Variants in MBNL1 observed in about 807,000 individuals in gnomAD.
MBNL1 encodes muscleblind like splicing regulator 1, also known as muscleblind-like protein 1.
A neutral mutation model predicts 42.2 loss-of-function variants in MBNL1; 8 were observed. The observed-to-expected ratio is 0.19, with a 90% CI of 0.11 to 0.34. The LOEUF is 0.34. Among genes scored for constraint, MBNL1 ranks in the 10% least tolerant of loss-of-function variants. MBNL1 has a pLI of 1.00. For synonymous variants in MBNL1, 169 were observed against 173.9 expected (o/e 0.97, Z 0.22); for missense variants, 309 against 495.3 (o/e 0.62, Z 3.57).
At chr3:152,323,801 T>A (rs1444684340) in intron 2 of MBNL1, among the ~76,000 whole-genome samples, 1 of 152,200 alleles carries the variant, frequency 6.6e-6, no homozygotes, top group Non-Finnish European at 1.5e-5. Context: ...ATTGTAATCT[T>A]ATGGGACCAC....
intron 2 of MBNL1, among the ~76,000 whole-genome samples, chr3:152,391,357 C>T (rs991216668): frequency 2.0e-5 from 3 of 152,178 alleles, no homozygotes; most frequent in African/African-American, 7.2e-5. Context: ...ATAGCAAGGA[C>T]GGATGTTATG....
At chr3:152,250,573 A>G (rs1252110348) in intron 2 of MBNL1, among the ~76,000 whole-genome samples, 2 of 151,980 alleles carry the variant, frequency 1.3e-5, no homozygotes, top group African/African-American at 2.4e-5. Context: ...AAACAGGGAC[A>G]ATTTGACTTC....
chr3:152,258,724 C>A (rs773155560), intron 2 of MBNL1, among the ~76,000 whole-genome samples: 5 of 152,172 alleles, frequency 3.3e-5, no homozygotes, highest in Non-Finnish European at 7.3e-5. Context: ...TAGTCATAAA[C>A]AAAACAGATT....
chr3:152,327,898 C>T (rs2081440922), intron 2 of MBNL1, among the ~76,000 whole-genome samples: 1 of 151,550 alleles, frequency 6.6e-6, no homozygotes, highest in African/African-American at 2.4e-5. Context: ...TTAAGTTGTT[C>T]TTGCTGACCC....
intron 2 of MBNL1, among the ~76,000 whole-genome samples, chr3:152,344,116 T>C (rs919181566): frequency 6.6e-5 from 10 of 152,140 alleles, no homozygotes; most frequent in African/African-American, 2.4e-4. Flanking sequence ...ACTATAATTT[T>C]ACTACTTGTT....
At chr3:152,314,005 C>T (rs1056416221) in intron 2 of MBNL1, among the ~76,000 whole-genome samples, 1 of 152,140 alleles carries the variant, frequency 6.6e-6, no homozygotes, top group Admixed American at 6.5e-5. Context: ...TAGCTTTATG[C>T]TGGTCTACAA....
intron 2 of MBNL1, among the ~76,000 whole-genome samples, chr3:152,361,940 T>C (rs2095991461): frequency 6.6e-6 from 1 of 152,148 alleles, no homozygotes; most frequent in South Asian, 2.1e-4. Context: ...ATTTAAAATT[T>C]TAAAAATGTG....
At chr3:152,338,753 T>G in intron 2 of MBNL1, 2 of 925,994 alleles carry the variant, frequency 2.2e-6, no homozygotes, top group African/African-American at 3.6e-5. Flanking sequence ...TATAAGTTAG[T>G]AGTTAAAGAA....
chr3:152,319,309 T>C (rs9917677), intron 2 of MBNL1, among the ~76,000 whole-genome samples: 30,899 of 152,094 alleles, frequency 0.2, 3,650 homozygotes, highest in Middle Eastern at 0.35. Flanking sequence ...TTTAGTGTGT[T>C]AGAATTGCCA....
intron 1 of MBNL1, among the ~76,000 whole-genome samples, chr3:152,282,390 T>G (rs1400773044): frequency 6.6e-6 from 1 of 152,134 alleles, no homozygotes; most frequent in Admixed American, 6.6e-5. Context: ...GCTAATATAC[T>G]AATTTTTTGG....
chr3:152,446,865 G>A, intron 5 of MBNL1: 3 of 921,916 alleles, frequency 3.3e-6, no homozygotes, highest in South Asian at 3.9e-5. Context: ...TTATAGAGTT[G>A]TAAAGTACAA....
chr3:152,426,705 C>G lies in MBNL1; in HGVS notation c.346-6012C>G, dbSNP rs578018416. On this transcript the variant is annotated intron_variant, in intron 3 of 9. Transcript: ENST00000324210. ...TGATCCCAAAGTTAACCTTGGCTAT[C>G]TATAATTTGTGATGGCAGCTATTCT... Among the ~76,000 whole-genome samples, 149 of 152,288 alleles carry G rather than the reference C, an allele frequency of 9.8e-4. 1 individual carries two copies. Among genetic ancestry groups the G allele is most frequent in the Non-Finnish European group, 1.9e-3 (127 of 68,010 alleles).
chr3:152,353,353 C>T (rs193264599), intron 2 of MBNL1, among the ~76,000 whole-genome samples: 183 of 152,286 alleles, frequency 1.2e-3, no homozygotes, highest in African/African-American at 4.2e-3. Flanking sequence ...CCACCATTTA[C>T]GCTTAGTGTC....
chr3:152,459,727 G>T (rs960641772), intron 9 of MBNL1, among the ~76,000 whole-genome samples: 1 of 152,048 alleles, frequency 6.6e-6, no homozygotes, highest in African/African-American at 2.4e-5. Flanking sequence ...CTCTGCCATT[G>T]TATCATGAAA....
At chr3:152,339,524 A>G (rs1184210244) in intron 2 of MBNL1, among the ~76,000 whole-genome samples, 1 of 151,328 alleles carries the variant, frequency 6.6e-6, no homozygotes, top group Non-Finnish European at 1.5e-5. Context: ...CTGTGAAGTG[A>G]TATTAAGACA....
At chr3:152,450,141 A>T (rs1237257531) in intron 6 of MBNL1, among the ~76,000 whole-genome samples, 1 of 151,512 alleles carries the variant, frequency 6.6e-6, no homozygotes, top group East Asian at 1.9e-4. Context: ...ACAACAACAA[A>T]TATATATACA....
At chr3:152,427,638 G>A (rs2098950102) in intron 3 of MBNL1, among the ~76,000 whole-genome samples, 2 of 151,888 alleles carry the variant, frequency 1.3e-5, no homozygotes, top group South Asian at 4.1e-4. Context: ...ATTCAAAATA[G>A]TTCAGTGAGA....
chr3:152,269,379 G>A (rs2038788062), intron 1 of MBNL1: 1 of 361,658 alleles, frequency 2.8e-6, no homozygotes, highest in South Asian at 2.0e-5. Context: ...GGGACCCAGG[G>A]AGAAACAGGG....
intron 2 of MBNL1, among the ~76,000 whole-genome samples, chr3:152,257,101 A>G (rs1318456777): frequency 5.3e-5 from 8 of 152,176 alleles, no homozygotes; most frequent in African/African-American, 1.9e-4. Context: ...TATGATGACC[A>G]CCATACTATC....
Sources: allele counts gnomAD v4.1 joint callset (sites outside exome capture counted in the v4.1 genomes callset), GRCh38; gene constraint gnomAD v4.1.1; transcripts MANE v1.5; gene names NCBI Gene and HGNC (gene_info 2026-07-23, HGNC 2026-07-21).